The following NPFFR2 variants were observed in gnomAD, a reference collection of about 807,000 sequenced individuals.
The protein encoded by NPFFR2 is G-protein coupled receptor 74.
A neutral mutation model predicts 13.1 loss-of-function variants in NPFFR2; 15 were observed. That is an observed-to-expected ratio of 1.15 (90% CI 0.77 to 1.76). The LOEUF is 1.76. Ranked by LOEUF, NPFFR2 falls within the 40% of genes most tolerant of loss-of-function variation. NPFFR2 has a pLI of 0.00. For synonymous variants in NPFFR2, 190 were observed against 175.7 expected (o/e 1.08, Z -0.65); for missense variants, 572 against 503.5 (o/e 1.14, Z -1.30).
chr4:72,084,766 G>A (rs1195978074), intron 1 of NPFFR2, among the ~76,000 whole-genome samples: 2 of 152,048 alleles, frequency 1.3e-5, no homozygotes, highest in Non-Finnish European at 2.9e-5. Context: ...ATGCCTTAAG[G>A]GTGTCTGGAG....
At chr4:72,045,722 G>T (rs1352267765) in intron 1 of NPFFR2, among the ~76,000 whole-genome samples, 1 of 115,424 alleles carries the variant, frequency 8.7e-6, no homozygotes, top group Non-Finnish European at 1.9e-5. Context: ...AATATCTCAT[G>T]TACTTTATTG....
chr4:72,087,997 AAG>A (rs1320912430), intron 1 of NPFFR2, among the ~76,000 whole-genome samples: 2 of 152,070 alleles, frequency 1.3e-5, no homozygotes, highest in Non-Finnish European at 2.9e-5. Flanking sequence ...AAGAAAGCCA[AAG>A]AGGGGAGAAT....
intron 1 of NPFFR2, among the ~76,000 whole-genome samples, chr4:72,102,730 C>T (rs1462310929): frequency 2.0e-5 from 3 of 151,948 alleles, no homozygotes; most frequent in Admixed American, 1.3e-4. Context: ...CATAGTATTC[C>T]ATGGTGTATA....
At chr4:72,145,680 G>A (rs1722759131) in intron 3 of NPFFR2, among the ~76,000 whole-genome samples, 1 of 152,120 alleles carries the variant, frequency 6.6e-6, no homozygotes. Context: ...AGCAGTCAAA[G>A]CCCAGGCTAA....
chr4:72,129,054 G>T, intron 2 of NPFFR2, 135 bp downstream of exon 2: 1 of 640,040 alleles, frequency 1.6e-6, no homozygotes, highest in Non-Finnish European at 2.7e-6. Context: ...CCAGGCACCT[G>T]CCCTCATTGG....
At chr4:72,064,872 A>T (rs567734701) in intron 1 of NPFFR2, among the ~76,000 whole-genome samples, 48 of 152,324 alleles carry the variant, frequency 3.2e-4, no homozygotes, top group African/African-American at 1.1e-3. Flanking sequence ...GACATCTAGG[A>T]AAAGAAGAGC....
At chr4:72,112,941 A>G (rs4543076) in intron 1 of NPFFR2, among the ~76,000 whole-genome samples, 146,247 of 152,136 alleles carry the variant, frequency 0.96, 70,565 homozygotes, top group East Asian at 1. Flanking sequence ...ACTGGGGATT[A>G]GCCTTCAACT....
At position 72,145,273 on chromosome 4, in the gene NPFFR2, A is replaced by G. The variant is rs1033187281; in HGVS notation, c.429-1705A>G. On this transcript the variant is annotated intron_variant, in intron 3 of 3. Coordinates refer to ENST00000308744, the MANE Select transcript of NPFFR2 (RefSeq NM_004885.3). ...AATATGTAAGTACATATATTGTTAT[A>G]AATATAAATATATAAATACATATAT... 3.0e-3 allele frequency among the ~76,000 whole-genome samples: 441 copies of G among 145,650 alleles called. 3 individuals carry two copies. The highest frequency in any genetic ancestry group is 0.011 in the Middle Eastern group (3 of 278).
At chr4:72,139,508 A>C (rs1485514334) in intron 3 of NPFFR2, among the ~76,000 whole-genome samples, 5 of 152,204 alleles carry the variant, frequency 3.3e-5, no homozygotes, top group Non-Finnish European at 7.3e-5. Context: ...CCGTTTATTA[A>C]ATGGGGAATC....
intron 1 of NPFFR2, among the ~76,000 whole-genome samples, chr4:72,122,681 ATAAG>A (rs758484206): frequency 6.6e-6 from 1 of 152,220 alleles, no homozygotes; most frequent in African/African-American, 2.4e-5. Flanking sequence ...TAAGGCAGAA[ATAAG>A]TAAGTTCTTT....
chr4:72,117,134 T>C (rs1578466084), intron 1 of NPFFR2, among the ~76,000 whole-genome samples: 1 of 152,144 alleles, frequency 6.6e-6, no homozygotes, highest in African/African-American at 2.4e-5. Flanking sequence ...AACCTTGCTA[T>C]AGCCTGTAAG....
At chr4:72,070,370 C>T (rs1720207199) in intron 1 of NPFFR2, among the ~76,000 whole-genome samples, 1 of 151,978 alleles carries the variant, frequency 6.6e-6, no homozygotes, top group Admixed American at 6.6e-5. Flanking sequence ...ATAGGAATAA[C>T]CATAAGCAAA....
At chr4:72,118,157 G>A (rs10012800) in intron 1 of NPFFR2, among the ~76,000 whole-genome samples, 40,803 of 152,030 alleles carry the variant, frequency 0.27, 5,825 homozygotes, top group Middle Eastern at 0.36. Context: ...GAAAATATGT[G>A]CTCTGGAGAA....
At chr4:72,058,644 A>C (rs1395154719) in intron 1 of NPFFR2, among the ~76,000 whole-genome samples, 1 of 152,072 alleles carries the variant, frequency 6.6e-6, no homozygotes, top group Admixed American at 6.6e-5. Context: ...TGGATTGTTT[A>C]TAATTTAATG....
intron 2 of NPFFR2, among the ~76,000 whole-genome samples, chr4:72,130,846 C>T (rs1722215074): frequency 6.6e-6 from 1 of 152,164 alleles, no homozygotes; most frequent in Non-Finnish European, 1.5e-5. Flanking sequence ...TTGCACCTGT[C>T]CTCTTGGTAC....
At chr4:72,072,640 A>C (rs1269359183) in intron 1 of NPFFR2, among the ~76,000 whole-genome samples, 3 of 152,162 alleles carry the variant, frequency 2.0e-5, no homozygotes, top group Non-Finnish European at 4.4e-5. Flanking sequence ...GAGGAAGAGG[A>C]AGAGAGAATA....
At chr4:72,086,201 G>C (rs1358461788) in intron 1 of NPFFR2, among the ~76,000 whole-genome samples, 1 of 152,008 alleles carries the variant, frequency 6.6e-6, no homozygotes, top group African/African-American at 2.4e-5. Flanking sequence ...TTATATTGAA[G>C]GTTGAAAATA....
chr4:72,107,903 T>A (rs2109816306), intron 1 of NPFFR2, among the ~76,000 whole-genome samples: 1 of 152,166 alleles, frequency 6.6e-6, no homozygotes, highest in African/African-American at 2.4e-5. Flanking sequence ...TGAAAGTTAT[T>A]TTTATGCATA....
chr4:72,048,282 C>T (rs963838143), intron 1 of NPFFR2, among the ~76,000 whole-genome samples: 4 of 151,956 alleles, frequency 2.6e-5, no homozygotes, highest in Non-Finnish European at 5.9e-5. Flanking sequence ...GGCAACTTAC[C>T]CAAGAGAAGA....
Sources: gnomAD v4.1 joint callset for allele counts (sites outside exome capture counted in the v4.1 genomes callset) on GRCh38, gnomAD v4.1.1 for gene constraint, MANE v1.5 for transcripts, NCBI Gene and HGNC (gene_info 2026-07-23, HGNC 2026-07-21) for gene names.